Variants in SOX5 observed in about 807,000 individuals in gnomAD.
SOX5 encodes SRY-box transcription factor 5.
A neutral mutation model predicts 92.0 loss-of-function variants in SOX5; 9 were observed. The observed-to-expected ratio is 0.10, with a 90% CI of 0.06 to 0.17. The LOEUF (loss-of-function observed/expected upper bound fraction) is 0.17, where lower values mean the gene tolerates loss of function less well. SOX5 is among the 10% of genes least tolerant of loss of function. The pLI, the probability that SOX5 is intolerant of heterozygous loss-of-function variation, is 1.00. For missense variants in SOX5, 642 were observed against 944.5 expected (o/e 0.68, Z 4.20); for synonymous variants, 344 against 336.3 (o/e 1.02, Z -0.25).
At chr12:23,970,841 A>ATTATTTTTT (rs1948227640) in intron 4 of SOX5, among the ~76,000 whole-genome samples, 2 of 21,878 alleles carry the variant, frequency 9.1e-5, no homozygotes, top group Non-Finnish European at 2.1e-4. Context: ...TATATATATA[A>ATTATTTTTT]TTTTTTTTTT....
At chr12:24,307,254 A>C (rs186409639) in intron 2 of SOX5, among the ~76,000 whole-genome samples, 19 of 152,278 alleles carry the variant, frequency 1.2e-4, no homozygotes. Context: ...CTAGTGAGGA[A>C]ATAGAAGCTT....
chr12:24,125,633 T>C (rs989272508), intron 4 of SOX5, among the ~76,000 whole-genome samples: 1 of 152,234 alleles, frequency 6.6e-6, no homozygotes, highest in Non-Finnish European at 1.5e-5. Context: ...GTTTAACAGA[T>C]GTGTTAAGGT....
chr12:24,151,720 G>T (rs983327890), intron 4 of SOX5, among the ~76,000 whole-genome samples: 2 of 152,096 alleles, frequency 1.3e-5, no homozygotes, highest in African/African-American at 4.8e-5. Context: ...TGCAGTTACT[G>T]CTATGCCCTC....
chr12:24,484,833 A>G (rs1282941915), intron 1 of SOX5, among the ~76,000 whole-genome samples: 1 of 152,238 alleles, frequency 6.6e-6, no homozygotes, highest in Non-Finnish European at 1.5e-5. Flanking sequence ...CATAAAGTTG[A>G]ATCCAAAAAG....
At chr12:24,040,749 T>G (rs1477149740) in intron 4 of SOX5, among the ~76,000 whole-genome samples, 1 of 152,092 alleles carries the variant, frequency 6.6e-6, no homozygotes, top group Admixed American at 6.6e-5. Flanking sequence ...GGCGGGCGCC[T>G]GTAGTCCCAG....
intron 10 of SOX5, among the ~76,000 whole-genome samples, chr12:23,574,291 C>T (rs77859196): frequency 1.2e-4 from 18 of 152,168 alleles, no homozygotes; most frequent in Non-Finnish European, 2.2e-4. Context: ...CATCTTTTAC[C>T]GATGAGGCTC....
intron 1 of SOX5, among the ~76,000 whole-genome samples, chr12:24,529,310 T>C (rs1044453075): frequency 1.7e-4 from 26 of 152,226 alleles, no homozygotes; most frequent in Admixed American, 1.6e-3. Context: ...TTCCCCACCA[T>C]TTAATTCACT....
At chr12:23,970,060 C>A (rs1948049192) in intron 4 of SOX5, among the ~76,000 whole-genome samples, 1 of 152,164 alleles carries the variant, frequency 6.6e-6, no homozygotes, top group Admixed American at 6.5e-5. Flanking sequence ...ACAAGTACAC[C>A]CTACTGACAT....
At chr12:23,930,688 T>A (rs1595729969) in intron 1 of SOX5, among the ~76,000 whole-genome samples, 2 of 151,678 alleles carry the variant, frequency 1.3e-5, no homozygotes, top group South Asian at 4.2e-4. Context: ...ACTATTATTA[T>A]CTCCTCTTCA....
chr12:24,268,324 G>T (rs1943272915), intron 3 of SOX5, among the ~76,000 whole-genome samples: 2 of 152,064 alleles, frequency 1.3e-5, no homozygotes, highest in Non-Finnish European at 2.9e-5. Flanking sequence ...AATTATAAGG[G>T]TATGGTAGCA....
At chr12:24,202,608 A>G (rs1470580361) in intron 4 of SOX5, among the ~76,000 whole-genome samples, 2 of 152,136 alleles carry the variant, frequency 1.3e-5, no homozygotes, top group Middle Eastern at 3.2e-3. Context: ...ATCTCTTTCC[A>G]TCTGGGACAG....
intron 1 of SOX5, among the ~76,000 whole-genome samples, chr12:24,505,753 A>G (rs563854239): frequency 4.3e-4 from 65 of 151,588 alleles, no homozygotes; most frequent in African/African-American, 1.4e-3. Context: ...TATGTAAATC[A>G]CTCTCCTAAC....
intron 8 of SOX5, among the ~76,000 whole-genome samples, chr12:23,613,777 T>C (rs962876285): frequency 1.3e-5 from 2 of 152,130 alleles, no homozygotes. Flanking sequence ...AAATAACAAA[T>C]ATAGTATGAT....
chr12:24,125,390 T>A (rs778955978), intron 4 of SOX5, among the ~76,000 whole-genome samples: 1 of 152,168 alleles, frequency 6.6e-6, no homozygotes, highest in Admixed American at 6.5e-5. Context: ...TCATTAGAAA[T>A]AGCATGAGGT....
intron 6 of SOX5, among the ~76,000 whole-genome samples, chr12:23,678,376 A>G (rs184963875): frequency 6.6e-6 from 1 of 152,270 alleles, no homozygotes; most frequent in African/African-American, 2.4e-5. Context: ...ACACATAATG[A>G]CAATATTTAA....
chr12:23,795,104 G>C (rs34898481), intron 3 of SOX5, among the ~76,000 whole-genome samples: 20,292 of 152,052 alleles, frequency 0.13, 1,469 homozygotes, highest in Non-Finnish European at 0.15. Flanking sequence ...TCTTAAAAGG[G>C]ATAGGTTACA....
chr12:23,806,501 G>T (rs974787359), intron 3 of SOX5, among the ~76,000 whole-genome samples: 3 of 148,696 alleles, frequency 2.0e-5, no homozygotes, highest in Non-Finnish European at 4.4e-5. Context: ...TCTTTCTTTG[G>T]TTTATAGCAT....
In SOX5 at chr12:23,692,439, G is replaced by GAAAAA. The variant is rs11427578; in HGVS notation, c.811-26880_811-26876dup. On this transcript the variant is annotated intron_variant, in intron 6 of 14. Coordinates refer to ENST00000451604, the MANE Select transcript of SOX5 (RefSeq NM_006940.6). ...GCGACAGAGTGAGACTACGCCTCAG[G>GAAAAA]AAAAAAAAAAAAAAAGATTTATATT... is the stretch of plus-strand genomic sequence containing the variant. Among the ~76,000 whole-genome samples the GAAAAA allele has an allele frequency of 2.6e-3, 347 of 132,676 alleles. 2 individuals carry two copies. The highest frequency in any genetic ancestry group is 4.1e-3 in the Non-Finnish European group (259 of 63,938). The allele number at this position is 132,676 out of a possible 152,430, so 87.0% of individuals were successfully genotyped here.
intron 2 of SOX5, among the ~76,000 whole-genome samples, chr12:24,337,073 T>G (rs770608168): frequency 1.3e-5 from 2 of 152,138 alleles, no homozygotes; most frequent in Non-Finnish European, 2.9e-5. Flanking sequence ...AGTCAATGAT[T>G]TAGGTGGCAA....
Sources: gnomAD v4.1 joint callset for allele counts (sites outside exome capture counted in the v4.1 genomes callset) on GRCh38, gnomAD v4.1.1 for gene constraint, MANE v1.5 for transcripts, NCBI Gene and HGNC (gene_info 2026-07-23, HGNC 2026-07-21) for gene names.